The following INPP4B variants were observed in gnomAD, a reference collection of about 807,000 sequenced individuals.
INPP4B encodes inositol polyphosphate 4-phosphatase type II.
In INPP4B, 55 loss-of-function variants were observed where a neutral mutation model predicts 122.5. The ratio of observed to expected loss-of-function variants is 0.45; its 90% confidence interval spans 0.36 to 0.56. The LOEUF is 0.56. Among genes scored for constraint, INPP4B ranks in the 20% least tolerant of loss-of-function variants. INPP4B has a pLI of 0.00. For synonymous variants in INPP4B, 403 were observed against 388.7 expected, an observed-to-expected ratio of 1.04 and a Z score of -0.43; for missense variants, 1,000 against 1,097.7, an observed-to-expected ratio of 0.91 and a Z score of 1.26.
chr4:142,520,955 T>C (rs1370984829), intron 2 of INPP4B, among the ~76,000 whole-genome samples: 2 of 151,986 alleles, frequency 1.3e-5, no homozygotes, highest in Non-Finnish European at 2.9e-5. Flanking sequence ...TAGTGCCATA[T>C]AAAACTGTGT....
At chr4:142,612,658 C>G (rs1235297102) in intron 2 of INPP4B, among the ~76,000 whole-genome samples, 1 of 152,020 alleles carries the variant, frequency 6.6e-6, no homozygotes, top group Non-Finnish European at 1.5e-5. Context: ...TTGCACCGAC[C>G]AATATAGCCT....
chr4:142,820,009 C>T (rs1197269051), intron 1 of INPP4B, among the ~76,000 whole-genome samples: 1 of 152,110 alleles, frequency 6.6e-6, no homozygotes, highest in Non-Finnish European at 1.5e-5. Flanking sequence ...TTCTGAAGAG[C>T]ATTCCCTCAA....
intron 1 of INPP4B, among the ~76,000 whole-genome samples, chr4:142,818,997 G>T (rs1422153410): frequency 1.3e-5 from 2 of 152,126 alleles, no homozygotes; most frequent in Non-Finnish European, 2.9e-5. Context: ...AAGAGCAGTT[G>T]GCTCCCATAG....
chr4:142,053,861 C>T (rs1349664474), intron 25 of INPP4B, among the ~76,000 whole-genome samples: 1 of 152,008 alleles, frequency 6.6e-6, no homozygotes, highest in East Asian at 1.9e-4. Context: ...CCACTTCAGG[C>T]CTAAGCTATT....
At chr4:142,589,272 G>T (rs538887577) in intron 2 of INPP4B, among the ~76,000 whole-genome samples, 1 of 151,966 alleles carries the variant, frequency 6.6e-6, no homozygotes, top group Non-Finnish European at 1.5e-5. Flanking sequence ...AAAAGTTCAA[G>T]CTGTGAAATA....
intron 3 of INPP4B, among the ~76,000 whole-genome samples, chr4:142,437,844 A>C (rs1331257686): frequency 6.6e-6 from 1 of 152,200 alleles, no homozygotes; most frequent in East Asian, 1.9e-4. Context: ...CAAATCCCTG[A>C]ATATATCAAT....
chr4:142,782,015 G>A (rs1774913123), intron 1 of INPP4B, among the ~76,000 whole-genome samples: 1 of 151,066 alleles, frequency 6.6e-6, no homozygotes, highest in Admixed American at 6.6e-5. Context: ...AAGTTTTAGG[G>A]TACATGTGCA....
chr4:142,176,615 T>C (rs999164284), intron 15 of INPP4B, among the ~76,000 whole-genome samples: 15 of 152,180 alleles, frequency 9.9e-5, no homozygotes, highest in African/African-American at 3.1e-4. Context: ...CCTAGTTGAA[T>C]GGTGCTCAAA....
At chr4:142,629,235 T>A (rs1450353743) in intron 2 of INPP4B, among the ~76,000 whole-genome samples, 1 of 152,066 alleles carries the variant, frequency 6.6e-6, no homozygotes, top group African/African-American at 2.4e-5. Context: ...TGAATGATCA[T>A]TGAGCTGAGC....
At chr4:142,353,826 C>T (rs912269350) in intron 7 of INPP4B, among the ~76,000 whole-genome samples, 5 of 151,988 alleles carry the variant, frequency 3.3e-5, no homozygotes, top group Admixed American at 2.0e-4. Context: ...AATGCCATTA[C>T]CTAGCTTAGT....
intron 1 of INPP4B, among the ~76,000 whole-genome samples, chr4:142,839,169 A>T (rs780139190): frequency 4.6e-5 from 7 of 152,152 alleles, no homozygotes; most frequent in Admixed American, 1.3e-4. Context: ...ATAAAAGTAA[A>T]ACTTTGGCTG....
At chr4:142,137,240 A>G (rs998863463) in intron 18 of INPP4B, among the ~76,000 whole-genome samples, 4 of 150,446 alleles carry the variant, frequency 2.7e-5, no homozygotes, top group African/African-American at 9.8e-5. Context: ...GCATATCTAC[A>G]ACTATCTGAT....
At chr4:142,830,850 CAAA>C (rs70949194) in intron 1 of INPP4B, among the ~76,000 whole-genome samples, 5,283 of 91,426 alleles carry the variant, frequency 0.058, 232 homozygotes, top group African/African-American at 0.18. Context: ...GCTGTCTCTA[CAAA>C]AAAAAAAAAA....
At chr4:142,813,806 A>G (rs1779797874) in intron 1 of INPP4B, among the ~76,000 whole-genome samples, 1 of 152,152 alleles carries the variant, frequency 6.6e-6, no homozygotes, top group South Asian at 2.1e-4. Context: ...CCTTCCTTTT[A>G]TTATGCTTCA....
intron 7 of INPP4B, among the ~76,000 whole-genome samples, chr4:142,349,277 C>T (rs966675620): frequency 3.3e-5 from 5 of 151,822 alleles, no homozygotes; most frequent in South Asian, 2.1e-4. Context: ...AACTGATATA[C>T]GAGAGATAAA....
chr4:142,279,264 A>C (rs2150745758), intron 9 of INPP4B, among the ~76,000 whole-genome samples: 1 of 152,086 alleles, frequency 6.6e-6, no homozygotes, highest in African/African-American at 2.4e-5. Flanking sequence ...AATACCAATC[A>C]AAATTCCAGT....
chr4:142,493,543 G>A (rs1415117830), intron 2 of INPP4B, among the ~76,000 whole-genome samples: 1 of 152,160 alleles, frequency 6.6e-6, no homozygotes, highest in Non-Finnish European at 1.5e-5. Flanking sequence ...CAGAATCAAA[G>A]GAGATCATTT....
intron 1 of INPP4B, among the ~76,000 whole-genome samples, chr4:142,758,705 C>A (rs374760847): frequency 2.0e-5 from 3 of 152,106 alleles, no homozygotes; most frequent in Non-Finnish European, 2.9e-5. Context: ...GTAAGCTCAG[C>A]GCTTTGGGAG....
intron 2 of INPP4B, among the ~76,000 whole-genome samples, chr4:142,670,213 T>C (rs1756794915): frequency 6.6e-6 from 1 of 152,170 alleles, no homozygotes; most frequent in Non-Finnish European, 1.5e-5. Context: ...AGACGTTCAC[T>C]GGTGCCTTGG....
Sources: gnomAD v4.1 joint callset for allele counts (sites outside exome capture counted in the v4.1 genomes callset) on GRCh38, gnomAD v4.1.1 for gene constraint, MANE v1.5 for transcripts, NCBI Gene and HGNC (gene_info 2026-07-23, HGNC 2026-07-21) for gene names.